Variants in AGFG1 observed in about 807,000 individuals in gnomAD.
The protein encoded by AGFG1 is arf-GAP domain and FG repeat-containing protein 1.
AGFG1 carries 10 observed loss-of-function variants against 60.6 expected under a neutral mutation model. The observed-to-expected ratio is 0.16, with a 90% CI of 0.10 to 0.28. The LOEUF (loss-of-function observed/expected upper bound fraction) is 0.28. AGFG1 is among the 10% of genes least tolerant of loss of function. AGFG1 has a pLI of 1.00. For missense variants in AGFG1, 537 were observed against 676.5 expected (o/e 0.79, Z 2.29); for synonymous variants, 247 against 242.9 (o/e 1.02, Z -0.16).
At chr2:227,501,834 A>C (rs1277103738) in intron 2 of AGFG1, among the ~76,000 whole-genome samples, 1 of 151,654 alleles carries the variant, frequency 6.6e-6, no homozygotes, top group Non-Finnish European at 1.5e-5. Flanking sequence ...GTAAGTTAAA[A>C]TGTGATTTTT....
intron 5 of AGFG1, among the ~76,000 whole-genome samples, chr2:227,526,708 G>GT (rs989845694): frequency 6.8e-6 from 1 of 146,152 alleles, no homozygotes; most frequent in Non-Finnish European, 1.5e-5. Context: ...ACTCCCGGCT[G>GT]TTTTTTGTGT....
intron 2 of AGFG1, among the ~76,000 whole-genome samples, chr2:227,516,175 A>G (rs1691644617): frequency 6.6e-6 from 1 of 152,182 alleles, no homozygotes; most frequent in Non-Finnish European, 1.5e-5. Flanking sequence ...TTGGTTTTCA[A>G]ACTTTAGCCC....
chr2:227,501,649 T>A (rs565782131), intron 2 of AGFG1, among the ~76,000 whole-genome samples: 2 of 152,156 alleles, frequency 1.3e-5, no homozygotes, highest in South Asian at 2.1e-4. Context: ...AGTGGCTGGA[T>A]CACGGCTTAC....
chr2:227,495,166 A>C (rs1361362330), intron 2 of AGFG1, among the ~76,000 whole-genome samples: 1 of 152,156 alleles, frequency 6.6e-6, no homozygotes, highest in East Asian at 1.9e-4. Flanking sequence ...TTATTTGCTG[A>C]AGTAATTTTT....
intron 1 of AGFG1, among the ~76,000 whole-genome samples, chr2:227,478,239 TAAA>T (rs11383048): frequency 7.0e-6 from 1 of 143,882 alleles, no homozygotes; most frequent in East Asian, 2.0e-4. Context: ...AAGCAATCAG[TAAA>T]AAAAAAAAAA....
intron 2 of AGFG1, among the ~76,000 whole-genome samples, chr2:227,502,276 A>T (rs1417136045): frequency 2.0e-5 from 3 of 152,064 alleles, no homozygotes; most frequent in Non-Finnish European, 2.9e-5. Flanking sequence ...TCTTTGTCAG[A>T]TATATCCTTA....
At chr2:227,504,356 C>G (rs1167196017) in intron 2 of AGFG1, among the ~76,000 whole-genome samples, 1 of 152,056 alleles carries the variant, frequency 6.6e-6, no homozygotes, top group African/African-American at 2.4e-5. Flanking sequence ...CCACGCCTGG[C>G]TCATTTTTGT....
intron 11 of AGFG1, among the ~76,000 whole-genome samples, chr2:227,552,605 C>A (rs1283390539): frequency 6.6e-6 from 1 of 150,930 alleles, no homozygotes; most frequent in Non-Finnish European, 1.5e-5. Context: ...TTACGTATTT[C>A]ATTTGCTTCA....
chr2:227,497,460 TTTCTC>T (rs1328689888), intron 2 of AGFG1, among the ~76,000 whole-genome samples: 1 of 152,166 alleles, frequency 6.6e-6, no homozygotes, highest in Non-Finnish European at 1.5e-5. Flanking sequence ...TTGCTTGACT[TTTCTC>T]TTCTAATCCC....
rs527966219 is a variant in AGFG1 at position 227,534,181 on chromosome 2, A to G, written c.1024+423A>G. Among the ~76,000 whole-genome samples the G allele has an allele frequency of 3.9e-5, 6 of 152,186 alleles. No individual in the cohort carries two copies. In the South Asian group the frequency reaches 1.0e-3, roughly 26 times the overall value. On this transcript the variant is annotated intron_variant, in intron 7 of 12. Coordinates refer to ENST00000310078, the MANE Select transcript of AGFG1 (RefSeq NM_004504.5). ...AAAAAAAATTCATGAATTTTACAGT[A>G]TAGTCTTGTATCCAGTTTTATCTTA...
At chr2:227,535,371 A>T (rs1031946077) in intron 8 of AGFG1, among the ~76,000 whole-genome samples, 5 of 152,222 alleles carry the variant, frequency 3.3e-5, no homozygotes, top group African/African-American at 9.6e-5. Context: ...GTTTTTAGTC[A>T]TGATGATTAA....
intron 1 of AGFG1, among the ~76,000 whole-genome samples, chr2:227,485,997 T>C (rs1350709835): frequency 1.3e-5 from 2 of 152,208 alleles, no homozygotes; most frequent in African/African-American, 4.8e-5. Flanking sequence ...TATTTGGAAA[T>C]CTTGATAGCT....
intron 10 of AGFG1, 100 bp from the exon 11 acceptor site, chr2:227,551,859 G>C: frequency 7.1e-7 from 1 of 1,411,984 alleles, no homozygotes; most frequent in Non-Finnish European, 9.7e-7. Context: ...GTACATCTTA[G>C]TATTTTTCAA....
chr2:227,520,127 T>A, intron 3 of AGFG1, 64 bp downstream of exon 3: 1 of 944,964 alleles, frequency 1.1e-6, no homozygotes, highest in South Asian at 1.5e-5. Flanking sequence ...ATGGGTAAGG[T>A]TAGTCTGACA....
chr2:227,553,326 T>C (rs939434445), intron 11 of AGFG1, among the ~76,000 whole-genome samples: 85 of 152,060 alleles, frequency 5.6e-4, no homozygotes, highest in African/African-American at 2.0e-3. Flanking sequence ...AGTGAAACCC[T>C]GTCTACAAAA....
intron 2 of AGFG1, among the ~76,000 whole-genome samples, chr2:227,515,136 G>A (rs1264815648): frequency 6.6e-6 from 1 of 152,088 alleles, no homozygotes; most frequent in African/African-American, 2.4e-5. Context: ...GCCCAGGCTG[G>A]TCTTGAATTC....
At chr2:227,536,209 C>T (rs1289704606) in intron 8 of AGFG1, among the ~76,000 whole-genome samples, 8 of 148,246 alleles carry the variant, frequency 5.4e-5, no homozygotes, top group African/African-American at 2.0e-4. Flanking sequence ...TGATGTTTCC[C>T]ACCCTGTGTC....
chr2:227,552,433 G>T (rs2106245113), intron 11 of AGFG1, among the ~76,000 whole-genome samples: 1 of 152,142 alleles, frequency 6.6e-6, no homozygotes. Context: ...TTTAAAAGGA[G>T]AATTTATAGA....
rs148621752 is a variant in AGFG1 at position 227,497,730 on chromosome 2, G to GTTTTTTTTTTTTTT, written c.261+6094_261+6095insTTTTTTTTTTTTTT. ...ATATAGCCAAATGAGTTTCTTTCTT[G>GTTTTTTTTTTTTTT]TTTTGTTTTTTTTTTTTTTTTTTTT... On this transcript the variant is annotated intron_variant, in intron 2 of 12. Transcript: ENST00000310078. Among the ~76,000 whole-genome samples, 25 of 38,926 alleles carry GTTTTTTTTTTTTTT rather than the reference G, an allele frequency of 6.4e-4. 2 individuals are homozygous for GTTTTTTTTTTTTTT. Among genetic ancestry groups the GTTTTTTTTTTTTTT allele is most frequent in the African/African-American group, 1.8e-3 (24 of 13,232 alleles). 25.5% of individuals were successfully genotyped at this position (38,926 alleles called of 152,430 possible).
Sources: gnomAD v4.1 joint callset for allele counts (sites outside exome capture counted in the v4.1 genomes callset) on GRCh38, gnomAD v4.1.1 for gene constraint, MANE v1.5 for transcripts, NCBI Gene and HGNC (gene_info 2026-07-23, HGNC 2026-07-21) for gene names.